PDE3A: variants seen among roughly 807,000 people sequenced by gnomAD.
PDE3A encodes the protein cGMP-inhibited 3',5'-cyclic phosphodiesterase 3A.
PDE3A carries 43 observed loss-of-function variants against 98.3 expected under a neutral mutation model. The ratio of observed to expected loss-of-function variants is 0.44; its 90% CI spans 0.34 to 0.56. The LOEUF (loss-of-function observed/expected upper bound fraction) is 0.56. PDE3A is among the 20% of genes least tolerant of loss of function. The pLI is 0.01. For synonymous variants in PDE3A, 663 were observed against 567.9 expected (o/e 1.17, Z -2.38); for missense variants, 1,427 against 1,440.7 (o/e 0.99, Z 0.15).
chr12:20,422,276 G>T (rs932916884), intron 1 of PDE3A, among the ~76,000 whole-genome samples: 2 of 151,982 alleles, frequency 1.3e-5, no homozygotes, highest in African/African-American at 4.8e-5. Context: ...CCCGGGAAGT[G>T]GAGCTTGCAG....
At chr12:20,458,006 A>G (rs909846792) in intron 1 of PDE3A, among the ~76,000 whole-genome samples, 1 of 152,074 alleles carries the variant, frequency 6.6e-6, no homozygotes, top group Non-Finnish European at 1.5e-5. Context: ...ATGATCATTT[A>G]CCTTTTTTCT....
intron 1 of PDE3A, among the ~76,000 whole-genome samples, chr12:20,379,229 A>G (rs573816399): frequency 6.6e-6 from 1 of 151,968 alleles, no homozygotes; most frequent in South Asian, 2.1e-4. Flanking sequence ...TCCTTAGCCC[A>G]TTTTTAAGCT....
At chr12:20,540,158 T>C (rs1941856993) in intron 1 of PDE3A, among the ~76,000 whole-genome samples, 1 of 152,124 alleles carries the variant, frequency 6.6e-6, no homozygotes, top group Non-Finnish European at 1.5e-5. Context: ...TATTAGTGAC[T>C]CTTATGAATT....
At chr12:20,373,512 C>G (rs917465089) in intron 1 of PDE3A, among the ~76,000 whole-genome samples, 1 of 152,044 alleles carries the variant, frequency 6.6e-6, no homozygotes, top group Non-Finnish European at 1.5e-5. Flanking sequence ...TCTCTCCATT[C>G]TCTTTATAAA....
At chr12:20,594,992 G>C (rs1370940010) in intron 2 of PDE3A, among the ~76,000 whole-genome samples, 1 of 151,208 alleles carries the variant, frequency 6.6e-6, no homozygotes, top group Non-Finnish European at 1.5e-5. Context: ...TATACAGTTG[G>C]TAAAAAAAAA....
At chr12:20,570,113 G>A (rs1942760780) in intron 2 of PDE3A, among the ~76,000 whole-genome samples, 3 of 151,968 alleles carry the variant, frequency 2.0e-5, no homozygotes, top group Admixed American at 2.0e-4. Context: ...GAGAAAAATT[G>A]TGCTCTCTTA....
intron 15 of PDE3A, among the ~76,000 whole-genome samples, chr12:20,659,945 C>T (rs1945125131): frequency 1.3e-5 from 2 of 152,280 alleles, no homozygotes; most frequent in Middle Eastern, 3.4e-3. Flanking sequence ...ATTACATATA[C>T]ACAAAAGTAA....
chr12:20,561,439 G>C (rs1453838839), intron 2 of PDE3A, among the ~76,000 whole-genome samples: 3 of 152,116 alleles, frequency 2.0e-5, no homozygotes, highest in Non-Finnish European at 2.9e-5. Flanking sequence ...ATCTAAAAAA[G>C]GGAACTTGCT....
At position 20,684,627 on chromosome 12, in the gene PDE3A, T is replaced by C. The variant is rs1336476691; in HGVS notation, c.*4356T>C. ...CATTGTCCTAGGTCGTTTGTGTCTT[T>C]ATGAATTTGCTGATATTGTCAGTCC... is the stretch of plus-strand genomic sequence containing the variant. On this transcript the variant is annotated 3_prime_UTR_variant, in exon 16 of 16. Coordinates refer to ENST00000359062, the MANE Select transcript of PDE3A (RefSeq NM_000921.5). Among the ~76,000 whole-genome samples, 1 of 152,250 alleles carries C rather than the reference T, an allele frequency of 6.6e-6. No individual in the cohort carries two copies. Among genetic ancestry groups the C allele is most frequent in the Non-Finnish European group, 1.5e-5 (1 of 68,040 alleles).
intron 4 of PDE3A, 33 bp downstream of exon 4, chr12:20,616,417 T>C: frequency 6.3e-7 from 1 of 1,585,314 alleles, no homozygotes; most frequent in Non-Finnish European, 8.6e-7. Flanking sequence ...TTAATGTCTC[T>C]TAGAGAAGTT....
chr12:20,499,934 T>G (rs1395660425), intron 1 of PDE3A, among the ~76,000 whole-genome samples: 5 of 152,176 alleles, frequency 3.3e-5, no homozygotes, highest in Admixed American at 6.5e-5. Flanking sequence ...CTAATTTTAC[T>G]GATAAGAGCT....
At chr12:20,670,000 C>A (rs7957067) in intron 15 of PDE3A, among the ~76,000 whole-genome samples, 101,792 of 150,064 alleles carry the variant, frequency 0.68, 34,791 homozygotes, top group East Asian at 0.79. Context: ...AGGATGGAGG[C>A]AGATCTACCA....
intron 1 of PDE3A, among the ~76,000 whole-genome samples, chr12:20,452,846 G>A (rs536560059): frequency 1.8e-4 from 28 of 152,236 alleles, no homozygotes; most frequent in Non-Finnish European, 3.1e-4. Context: ...TCTGACCCTC[G>A]CACTCTTTGG....
At chr12:20,454,321 C>G (rs1308401983) in intron 1 of PDE3A, among the ~76,000 whole-genome samples, 1 of 152,140 alleles carries the variant, frequency 6.6e-6, no homozygotes, top group Non-Finnish European at 1.5e-5. Flanking sequence ...TACGCTTACC[C>G]TCACCACTCT....
intron 1 of PDE3A, among the ~76,000 whole-genome samples, chr12:20,449,449 A>C (rs1945023204): frequency 6.6e-6 from 1 of 152,164 alleles, no homozygotes; most frequent in African/African-American, 2.4e-5. Context: ...AGAACATCTT[A>C]AATTTTTAAT....
intron 1 of PDE3A, among the ~76,000 whole-genome samples, chr12:20,507,965 C>A (rs1408074232): frequency 2.6e-5 from 4 of 152,080 alleles, no homozygotes; most frequent in Non-Finnish European, 5.9e-5. Context: ...TGTCACTCCT[C>A]TGCTCAAAAC....
In PDE3A at chr12:20,445,921, A is replaced by C. The variant is rs375015508; in HGVS notation, c.960+75677A>C. On this transcript the variant is annotated intron_variant, in intron 1 of 15. Transcript: ENST00000359062. ...AAATCAGCAGTGGTAGCAGCATGTG[A>C]GAAGATGAGCATATGACTGACTCCT... Among the ~76,000 whole-genome samples, 49 of 152,284 alleles carry C rather than the reference A, an allele frequency of 3.2e-4. No homozygotes were observed. In the South Asian group the frequency reaches 0.01, roughly 32 times the overall value.
chr12:20,534,835 A>G (rs933912045), intron 1 of PDE3A, among the ~76,000 whole-genome samples: 1 of 152,352 alleles, frequency 6.6e-6, no homozygotes, highest in Non-Finnish European at 1.5e-5. Context: ...TGCAAAAACA[A>G]AGATGATATC....
chr12:20,451,504 C>T (rs928629876), intron 1 of PDE3A, among the ~76,000 whole-genome samples: 1 of 152,132 alleles, frequency 6.6e-6, no homozygotes, highest in African/African-American at 2.4e-5. Flanking sequence ...AAACTCCTGG[C>T]CTCAAGTGAT....
Sources: gnomAD v4.1 joint callset for allele counts (sites outside exome capture counted in the v4.1 genomes callset) on GRCh38, gnomAD v4.1.1 for gene constraint, MANE v1.5 for transcripts, NCBI Gene and HGNC (gene_info 2026-07-23, HGNC 2026-07-21) for gene names.